Variants in ANKUB1 observed in about 807,000 individuals in gnomAD.
The protein encoded by ANKUB1 is protein ANKUB1.
Under a neutral mutation model 49.3 loss-of-function variants are expected in ANKUB1, and 42 were observed. The observed-to-expected ratio is 0.85, with a 90% CI of 0.67 to 1.10. ANKUB1 has a LOEUF of 1.10. Ranked by LOEUF, ANKUB1 falls within the 50% of genes least tolerant of loss-of-function variation. The pLI, the probability that ANKUB1 is intolerant of heterozygous loss-of-function variation, is 0.00. For synonymous variants in ANKUB1, 222 were observed against 231.0 expected (o/e 0.96, Z 0.35); for missense variants, 613 against 642.0 (o/e 0.95, Z 0.49).
At position 149,767,276 on chromosome 3, in the gene ANKUB1, T is replaced by C. The variant is rs1717069807; in HGVS notation, c.1386A>G (p.Pro462=). 1.9e-6 allele frequency: 3 copies of C among 1,551,626 alleles called. No homozygotes were observed. Among genetic ancestry groups the C allele is most frequent in the East Asian group, 4.9e-5 (2 of 40,916 alleles). Residue 462 remains proline (P), a synonymous_variant, in exon 5 of 6, where the codon CCA becomes CCG. Transcript: ENST00000446160. ...CACTGGGTGTTGCATAGAAAAACGA[T>C]GGATGTGAATATCCCACTCTTGAAA... ...PPVSRVGYSH[P]SFFYATPSAD...
intron 1 of ANKUB1, 106 bp from the exon 2 acceptor site, chr3:149,791,030 T>C: frequency 1.7e-6 from 2 of 1,178,824 alleles, no homozygotes. Flanking sequence ...ATTATAATTG[T>C]TTGGGACAAA....
chr3:149,771,810 G>A (rs140716910), intron 3 of ANKUB1, among the ~76,000 whole-genome samples: 8 of 152,080 alleles, frequency 5.3e-5, no homozygotes, highest in African/African-American at 1.9e-4. Context: ...TCATTCCCAA[G>A]TCCCAATCTC....
At chr3:149,785,433 G>A (rs957275986) in intron 2 of ANKUB1, among the ~76,000 whole-genome samples, 5 of 149,128 alleles carry the variant, frequency 3.4e-5, no homozygotes, top group East Asian at 2.0e-4. Flanking sequence ...ACGACAGGCC[G>A]CAGTGTGTGA....
intron 1 of ANKUB1, among the ~76,000 whole-genome samples, chr3:149,791,321 T>C (rs1718347674): frequency 6.6e-6 from 1 of 152,210 alleles, no homozygotes; most frequent in African/African-American, 2.4e-5. Context: ...ATAATAGTTA[T>C]TAGATGAGCT....
chr3:149,764,834 T>C (rs1379910695), intron 5 of ANKUB1, among the ~76,000 whole-genome samples: 2 of 151,630 alleles, frequency 1.3e-5, no homozygotes, highest in Non-Finnish European at 2.9e-5. Context: ...CACTCATTAA[T>C]AATTCCAATC....
intron 2 of ANKUB1, among the ~76,000 whole-genome samples, chr3:149,780,862 A>T (rs1422959619): frequency 6.6e-6 from 1 of 152,112 alleles, no homozygotes; most frequent in Non-Finnish European, 1.5e-5. Flanking sequence ...CTGAGAGGTT[A>T]TTCCTGGCAA....
chr3:149,781,809 T>C (rs532686813), intron 2 of ANKUB1, among the ~76,000 whole-genome samples: 2 of 152,314 alleles, frequency 1.3e-5, no homozygotes, highest in South Asian at 4.1e-4. Context: ...TTTCAGTGAC[T>C]GAAGTGATTA....
chr3:149,770,640 C>A lies in ANKUB1; in HGVS notation c.486G>T (p.Trp162Cys). The A allele has an allele frequency of 6.5e-7, 1 of 1,550,280 alleles. No individual in the cohort carries two copies. The highest frequency in any genetic ancestry group is 8.7e-7 in the Non-Finnish European group (1 of 1,146,324). ...GGAGACAACCCATCAGAAATTCCTT[C>A]CATCCATCCCAGACATCCAAGCGAA... ...TTLRLDVWDG[W>C]KEFLMGCLLG... Residue 162 changes from tryptophan (W) to cysteine (C), a missense_variant, in exon 4 of 6, where the codon TGG (tryptophan) becomes TGT (cysteine). Physicochemically the swap from Trp to Cys is radical, Grantham distance 215 (BLOSUM62 -2). Coordinates refer to ENST00000446160, the MANE Select transcript of ANKUB1 (RefSeq NM_001144960.3).
chr3:149,779,497 G>A (rs985527017), intron 3 of ANKUB1: 1 of 152,192 alleles, frequency 6.6e-6, no homozygotes, highest in Non-Finnish European at 1.5e-5. Context: ...TATTTAGAGA[G>A]AGGTTGTAAT....
intron 4 of ANKUB1, among the ~76,000 whole-genome samples, chr3:149,769,306 T>C (rs1370379363): frequency 2.0e-5 from 3 of 152,108 alleles, no homozygotes; most frequent in Non-Finnish European, 4.4e-5. Flanking sequence ...GAACCAACCC[T>C]CCTCCTGCCC....
chr3:149,772,254 C>T (rs1383242570), intron 3 of ANKUB1, among the ~76,000 whole-genome samples: 1 of 152,172 alleles, frequency 6.6e-6, no homozygotes, highest in African/African-American at 2.4e-5. Context: ...CTCCTAACTT[C>T]AAACGATCCA....
At position 149,779,985 on chromosome 3, in the gene ANKUB1, T is replaced by C. The variant is rs141790398; in HGVS notation, c.451+254A>G. 2,818 of 472,320 alleles carry C rather than the reference T, an allele frequency of 6.0e-3. 19 individuals carry two copies. The highest frequency in any genetic ancestry group is 8.8e-3 in the Admixed American group (253 of 28,898). 29.3% of individuals were successfully genotyped at this position (472,320 alleles called of 1,614,324 possible). On this transcript the variant is annotated intron_variant, in intron 3 of 5. Coordinates refer to ENST00000446160, the MANE Select transcript of ANKUB1 (RefSeq NM_001144960.3). ...TGATTGTAAATCTTCAAAACAATAA[T>C]GGTTGCCTGTGAGGAGGGAACTAAG...
chr3:149,765,508 A>G (rs144964079), intron 5 of ANKUB1, among the ~76,000 whole-genome samples: 1 of 152,142 alleles, frequency 6.6e-6, no homozygotes, highest in African/African-American at 2.4e-5. Flanking sequence ...AACAACAGAC[A>G]CTGTCAGCTT....
intron 2 of ANKUB1, among the ~76,000 whole-genome samples, chr3:149,784,085 A>C (rs963466179): frequency 6.6e-6 from 1 of 152,230 alleles, no homozygotes; most frequent in Non-Finnish European, 1.5e-5. Context: ...TAGACTTGTC[A>C]AGATAGTACA....
rs73005777 is a variant in ANKUB1 at position 149,769,877 on chromosome 3, G to A, written c.566+683C>T. On this transcript the variant is annotated intron_variant, in intron 4 of 5. Transcript: ENST00000446160. ...GAAAGTCTCATATCTAAACCAAATC[G>A]AAGTCACCCATTTAATCACCATTTA... is the stretch of plus-strand genomic sequence containing the variant. Among the ~76,000 whole-genome samples the A allele has an allele frequency of 7.2e-5, 11 of 151,898 alleles. No individual in the cohort carries two copies. The South Asian group carries it at 1.0e-3, about 14-fold the overall frequency.
chr3:149,761,466 T>A lies in ANKUB1; in HGVS notation c.*18A>T. 6.4e-7 allele frequency: 1 copy of A among 1,551,054 alleles called. No individual in the cohort carries two copies. ...TGTTTGATCAGGTCTTTGTCCAAAC[T>A]GAAGTTGTCATGACTTTTCAAAGCA... On this transcript the variant is annotated 3_prime_UTR_variant, in exon 6 of 6. Coordinates refer to ENST00000446160, the MANE Select transcript of ANKUB1 (RefSeq NM_001144960.3).
chr3:149,762,325 C>T (rs1716816660), intron 5 of ANKUB1, among the ~76,000 whole-genome samples: 1 of 152,182 alleles, frequency 6.6e-6, no homozygotes, highest in South Asian at 2.1e-4. Flanking sequence ...ATCCCATAGA[C>T]ACTTCTAATT....
chr3:149,777,720 C>T lies in ANKUB1; in HGVS notation c.451+2519G>A, dbSNP rs372970794. The stretch of plus-strand genomic sequence containing the variant: ...CTCAGATGATCCATGGTTCCCACAT[C>T]TGTGTGTGCTCCAGCCCCACTTTCT... On this transcript the variant is annotated intron_variant, in intron 3 of 5. Coordinates refer to ENST00000446160, the MANE Select transcript of ANKUB1 (RefSeq NM_001144960.3). 5.9e-5 allele frequency among the ~76,000 whole-genome samples: 9 copies of T among 152,318 alleles called. No homozygotes were observed. In the East Asian group the frequency reaches 7.7e-4, roughly 13 times the overall value.
chr3:149,791,029 G>A (rs1329584199), intron 1 of ANKUB1, 105 bp from the exon 2 acceptor site: 7 of 1,176,286 alleles, frequency 6.0e-6, no homozygotes, highest in Non-Finnish European at 5.7e-6. Context: ...CATTATAATT[G>A]TTTGGGACAA....
Sources: gnomAD v4.1 joint callset for allele counts (sites outside exome capture counted in the v4.1 genomes callset) on GRCh38, gnomAD v4.1.1 for gene constraint, MANE v1.5 for transcripts, NCBI Gene and HGNC (gene_info 2026-07-23, HGNC 2026-07-21) for gene names.